The following CCSER1 variants were observed in gnomAD, a reference collection of about 807,000 sequenced individuals.
CCSER1 encodes serine-rich coiled-coil domain-containing protein 1.
A neutral mutation model predicts 82.0 loss-of-function variants in CCSER1; 41 were observed. The observed-to-expected ratio is 0.50, with a 90% CI of 0.39 to 0.65. The LOEUF (loss-of-function observed/expected upper bound fraction) is 0.65. Among genes scored for constraint, CCSER1 ranks in the 30% least tolerant of loss-of-function variants. The pLI, the probability that CCSER1 is intolerant of heterozygous loss-of-function variation, is 0.00. For missense variants in CCSER1, 1,119 were observed against 1,064.2 expected (o/e 1.05, Z -0.72); for synonymous variants, 414 against 383.9 (o/e 1.08, Z -0.92).
intron 10 of CCSER1, among the ~76,000 whole-genome samples, chr4:91,142,677 T>C (rs1023619968): frequency 8.5e-5 from 13 of 152,048 alleles, no homozygotes; most frequent in African/African-American, 2.9e-4. Context: ...AGTAGGAGTT[T>C]AGTTTCTTTC....
chr4:91,139,471 C>T (rs926800969), intron 10 of CCSER1, among the ~76,000 whole-genome samples: 16 of 151,918 alleles, frequency 1.1e-4, no homozygotes, highest in African/African-American at 2.4e-4. Context: ...AAGTGCGCTG[C>T]GATTTGCATT....
Position 91,414,813 on chromosome 4 carries a change from C to T in CCSER1, c.2218-183759C>T, listed in dbSNP as rs532411110. On this transcript the variant is annotated intron_variant, in intron 10 of 10. Transcript: ENST00000509176. ...ACAATTAAAAATATCACATGAGAAA[C>T]AAAGAAGGTCATTATATAAAATCAT... Among the ~76,000 whole-genome samples, 9 of 152,048 alleles carry T rather than the reference C, an allele frequency of 5.9e-5. No individual in the cohort carries two copies. The South Asian group carries it at 1.2e-3, about 21-fold the overall frequency.
At chr4:91,243,640 G>A (rs908767110) in intron 10 of CCSER1, among the ~76,000 whole-genome samples, 7 of 152,202 alleles carry the variant, frequency 4.6e-5, no homozygotes, top group Admixed American at 3.9e-4. Context: ...CTAGCTCCCA[G>A]ATGACATTTC....
chr4:90,472,046 T>C (rs1311008318), intron 5 of CCSER1, among the ~76,000 whole-genome samples: 1 of 152,154 alleles, frequency 6.6e-6, no homozygotes, highest in Non-Finnish European at 1.5e-5. Context: ...GTTGAGACAC[T>C]GTCTTTGGAT....
intron 6 of CCSER1, among the ~76,000 whole-genome samples, chr4:90,717,067 A>C (rs1477863222): frequency 6.6e-6 from 1 of 152,150 alleles, no homozygotes; most frequent in Non-Finnish European, 1.5e-5. Context: ...CTGGTGTGTT[A>C]GCTGAATGAG....
At chr4:91,426,785 G>C (rs914643838) in intron 10 of CCSER1, among the ~76,000 whole-genome samples, 2 of 152,054 alleles carry the variant, frequency 1.3e-5, no homozygotes, top group Non-Finnish European at 2.9e-5. Context: ...ATTTTGAAAA[G>C]TAAAACAGAC....
chr4:90,363,920 C>G (rs565704809), intron 3 of CCSER1, among the ~76,000 whole-genome samples: 67 of 151,908 alleles, frequency 4.4e-4, no homozygotes, highest in African/African-American at 1.4e-3. Context: ...AATATTTATG[C>G]TTTTGTGGTA....
At chr4:90,340,388 T>C (rs1741180505) in intron 3 of CCSER1, among the ~76,000 whole-genome samples, 1 of 152,210 alleles carries the variant, frequency 6.6e-6, no homozygotes, top group Admixed American at 6.5e-5. Flanking sequence ...TCCTGTGTAA[T>C]GAGAGACTTT....
At chr4:90,871,535 A>G (rs917003285) in intron 8 of CCSER1, among the ~76,000 whole-genome samples, 1 of 151,784 alleles carries the variant, frequency 6.6e-6, no homozygotes, top group East Asian at 1.9e-4. Context: ...AGGATAATTG[A>G]TATTATTTCA....
intron 9 of CCSER1, among the ~76,000 whole-genome samples, chr4:90,976,449 G>A (rs1257277351): frequency 6.6e-6 from 1 of 150,788 alleles, no homozygotes; most frequent in African/African-American, 2.4e-5. Flanking sequence ...CTGTTATAAA[G>A]TAAGTAGCAA....
chr4:90,654,157 A>G (rs999559774), intron 6 of CCSER1, among the ~76,000 whole-genome samples: 1 of 152,124 alleles, frequency 6.6e-6, no homozygotes. Flanking sequence ...ATAAATCCAG[A>G]CCATATCAGA....
At chr4:90,196,048 C>T (rs777737164) in intron 1 of CCSER1, among the ~76,000 whole-genome samples, 3 of 150,932 alleles carry the variant, frequency 2.0e-5, no homozygotes, top group Admixed American at 6.6e-5. Context: ...TAGCAGTGTC[C>T]ACTGCTCCAG....
intron 9 of CCSER1, among the ~76,000 whole-genome samples, chr4:90,950,605 T>C (rs1561409607): frequency 6.6e-6 from 1 of 152,134 alleles, no homozygotes; most frequent in Non-Finnish European, 1.5e-5. Flanking sequence ...AAGTCATCTC[T>C]GTTTTTGGTA....
At chr4:90,284,520 G>A (rs1729507378) in intron 1 of CCSER1, among the ~76,000 whole-genome samples, 1 of 150,110 alleles carries the variant, frequency 6.7e-6, no homozygotes. Flanking sequence ...TTGAGACAGG[G>A]GCTTGTTCTG....
chr4:91,455,040 G>A (rs1397013604), intron 10 of CCSER1, among the ~76,000 whole-genome samples: 1 of 152,066 alleles, frequency 6.6e-6, no homozygotes, highest in Non-Finnish European at 1.5e-5. Flanking sequence ...AAAGTAAAAT[G>A]TAATTGCTGG....
intron 5 of CCSER1, among the ~76,000 whole-genome samples, chr4:90,599,531 G>A (rs756596284): frequency 6.6e-6 from 1 of 152,048 alleles, no homozygotes; most frequent in Non-Finnish European, 1.5e-5. Flanking sequence ...GTGTTAAAAT[G>A]GACTAATACA....
intron 5 of CCSER1, among the ~76,000 whole-genome samples, chr4:90,524,491 A>G (rs1357128181): frequency 6.6e-6 from 1 of 152,066 alleles, no homozygotes; most frequent in East Asian, 1.9e-4. Flanking sequence ...TGTTTTTGAG[A>G]TGGAGTCTGA....
In CCSER1 at chr4:90,771,734, A is replaced by G. The variant is rs1366036968; in HGVS notation, c.2011-44028A>G. 3.3e-5 allele frequency among the ~76,000 whole-genome samples: 5 copies of G among 152,088 alleles called. No individual in the cohort carries two copies. In the East Asian group the frequency reaches 9.6e-4, roughly 29 times the overall value. On this transcript the variant is annotated intron_variant, in intron 7 of 10. Transcript: ENST00000509176. ...CTATTTCATAGATCTTGATATTGGCATGGGAAATTGGCTTTCTTTTTGAAC... is the reference window on the plus strand; with the variant it reads ...CTATTTCATAGATCTTGATATTGGCGTGGGAAATTGGCTTTCTTTTTGAAC...
intron 10 of CCSER1, among the ~76,000 whole-genome samples, chr4:91,457,404 T>A (rs1376510986): frequency 2.6e-5 from 4 of 152,102 alleles, no homozygotes; most frequent in Admixed American, 6.6e-5. Context: ...TGGTGGCTCA[T>A]GCCTGTACTC....
Sources: allele counts gnomAD v4.1 joint callset (sites outside exome capture counted in the v4.1 genomes callset), GRCh38; gene constraint gnomAD v4.1.1; transcripts MANE v1.5; gene names NCBI Gene and HGNC (gene_info 2026-07-23, HGNC 2026-07-21).